The following CCDC60 variants were observed in gnomAD, a reference collection of about 807,000 sequenced individuals.
The protein encoded by CCDC60 is coiled-coil domain containing 60.
A neutral mutation model predicts 63.5 loss-of-function variants in CCDC60; 54 were observed. The observed-to-expected ratio is 0.85, with a 90% CI of 0.68 to 1.07. The LOEUF is 1.07. CCDC60 is among the 50% of genes least tolerant of loss of function. CCDC60 has a pLI of 0.00. For synonymous variants in CCDC60, 206 were observed against 238.8 expected (o/e 0.86, Z 1.27); for missense variants, 651 against 684.3 (o/e 0.95, Z 0.54).
rs1443587377 is a variant in CCDC60 at position 119,520,204 on chromosome 12, T to C, written c.1040+12T>C. On this transcript the variant is annotated intron_variant, in intron 9 of 13. Coordinates refer to ENST00000327554, the MANE Select transcript of CCDC60 (RefSeq NM_178499.5). ...ACTCTCAAATCAAGGTAGGAAAGCC[T>C]GGAGCCTGCAGCAGGTGCCTCCGAA... 1 of 1,612,798 alleles carries C rather than the reference T, an allele frequency of 6.2e-7. No individual in the cohort carries two copies. The highest frequency in any genetic ancestry group is 8.5e-7 in the Non-Finnish European group (1 of 1,179,204).
At chr12:119,465,120 G>C (rs149571363) in intron 2 of CCDC60, among the ~76,000 whole-genome samples, 83 of 151,806 alleles carry the variant, frequency 5.5e-4, no homozygotes, top group Middle Eastern at 3.4e-3. Flanking sequence ...GACCATCCTG[G>C]CTAACATGGT....
At position 119,399,850 on chromosome 12, in the gene CCDC60, C is replaced by T. The variant is rs547890642; in HGVS notation, c.91-28833C>T. Among the ~76,000 whole-genome samples the T allele has an allele frequency of 3.0e-4, 45 of 152,236 alleles. 1 individual carries two copies. In the South Asian group the frequency reaches 7.7e-3, roughly 26 times the overall value. On this transcript the variant is annotated intron_variant, in intron 1 of 13. Coordinates refer to ENST00000327554, the MANE Select transcript of CCDC60 (RefSeq NM_178499.5). ...TACGGGGTATGATCTGAGGATGGAGCAGCATAGTCCACACTAAAACATACC... is the reference window on the plus strand; with the variant it reads ...TACGGGGTATGATCTGAGGATGGAGTAGCATAGTCCACACTAAAACATACC...
rs76987839 is a variant in CCDC60 at position 119,384,606 on chromosome 12, G to A, written c.91-44077G>A. ...TGCCATTCCCTGCGAGCTCCGGGCC[G>A]CTCCCACTGGTGGCTAACTTTACAA... On this transcript the variant is annotated intron_variant, in intron 1 of 13. Coordinates refer to ENST00000327554, the MANE Select transcript of CCDC60 (RefSeq NM_178499.5). Among the ~76,000 whole-genome samples the A allele has an allele frequency of 4.8e-3, 725 of 152,272 alleles. 8 individuals are homozygous for A. The highest frequency in any genetic ancestry group is 0.016 in the African/African-American group (670 of 41,562).
chr12:119,483,333 C>A (rs1022162308), intron 4 of CCDC60, among the ~76,000 whole-genome samples: 7 of 152,246 alleles, frequency 4.6e-5, no homozygotes, highest in Non-Finnish European at 1.0e-4. Flanking sequence ...TCAGTCCCTT[C>A]AGTCCCTGTG....
At chr12:119,516,239 G>C (rs1333749431) in intron 7 of CCDC60, among the ~76,000 whole-genome samples, 3 of 152,130 alleles carry the variant, frequency 2.0e-5, no homozygotes, top group Non-Finnish European at 4.4e-5. Flanking sequence ...CTGAGAAGCT[G>C]AAATTACAGA....
At chr12:119,398,335 C>T (rs117991925) in intron 1 of CCDC60, among the ~76,000 whole-genome samples, 3,356 of 152,226 alleles carry the variant, frequency 0.022, 71 homozygotes, top group Admixed American at 0.032. Context: ...GCTCCTAGTG[C>T]GTGGCCCTCC....
At chr12:119,379,052 G>A (rs1015098481) in intron 1 of CCDC60, among the ~76,000 whole-genome samples, 3 of 152,180 alleles carry the variant, frequency 2.0e-5, no homozygotes, top group South Asian at 2.1e-4. Flanking sequence ...CCCCCAGCTC[G>A]GCCTGGCTTG....
intron 1 of CCDC60, among the ~76,000 whole-genome samples, chr12:119,364,046 G>A (rs1047634294): frequency 2.0e-5 from 3 of 152,080 alleles, no homozygotes; most frequent in Admixed American, 6.5e-5. Context: ...TAATCTTGCT[G>A]TTGCAATGAA....
chr12:119,363,006 G>A (rs1955806042), intron 1 of CCDC60, among the ~76,000 whole-genome samples: 1 of 152,228 alleles, frequency 6.6e-6, no homozygotes, highest in Admixed American at 6.5e-5. Flanking sequence ...GCTGGGGCAG[G>A]AGAATCGCTT....
intron 1 of CCDC60, among the ~76,000 whole-genome samples, chr12:119,336,449 C>T (rs1955472887): frequency 6.6e-6 from 1 of 152,164 alleles, no homozygotes; most frequent in Non-Finnish European, 1.5e-5. Flanking sequence ...AGCAATGACA[C>T]TGTAGAACAT....
chr12:119,384,252 G>A (rs4408367), intron 1 of CCDC60, among the ~76,000 whole-genome samples: 16,240 of 152,084 alleles, frequency 0.11, 1,651 homozygotes, highest in East Asian at 0.56. Context: ...CCAAGGGAGA[G>A]TGAAGGCAGA....
At chr12:119,452,050 A>G (rs1463665508) in intron 2 of CCDC60, among the ~76,000 whole-genome samples, 2 of 152,222 alleles carry the variant, frequency 1.3e-5, no homozygotes, top group African/African-American at 2.4e-5. Flanking sequence ...AAGAATGAGT[A>G]TAATATGGTG....
chr12:119,405,450 G>C (rs965928921), intron 1 of CCDC60, among the ~76,000 whole-genome samples: 2 of 152,178 alleles, frequency 1.3e-5, no homozygotes, highest in African/African-American at 4.8e-5. Flanking sequence ...TGTTGTGCTT[G>C]TTGATTTTCA....
intron 6 of CCDC60, among the ~76,000 whole-genome samples, chr12:119,501,715 T>C (rs922901504): frequency 6.6e-6 from 1 of 152,162 alleles, no homozygotes; most frequent in African/African-American, 2.4e-5. Flanking sequence ...CTACAAACCT[T>C]TAAAAAAAGT....
chr12:119,349,372 G>A (rs1955631344), intron 1 of CCDC60, among the ~76,000 whole-genome samples: 1 of 130,646 alleles, frequency 7.7e-6, no homozygotes, highest in South Asian at 2.6e-4. Flanking sequence ...CTGAGACAGA[G>A]TCTCTCTCTG....
intron 3 of CCDC60, among the ~76,000 whole-genome samples, chr12:119,474,468 T>C (rs977467041): frequency 6.6e-6 from 1 of 152,240 alleles, no homozygotes; most frequent in Non-Finnish European, 1.5e-5. Flanking sequence ...CTTCTGTGTC[T>C]GGCTTCTTTC....
At chr12:119,413,842 C>T (rs1056798182) in intron 1 of CCDC60, among the ~76,000 whole-genome samples, 7 of 152,072 alleles carry the variant, frequency 4.6e-5, no homozygotes, top group South Asian at 2.1e-4. Flanking sequence ...TGTGCCAGTG[C>T]GTAATGGGGA....
intron 2 of CCDC60, among the ~76,000 whole-genome samples, chr12:119,457,585 T>C (rs1311285950): frequency 2.2e-4 from 33 of 152,266 alleles, no homozygotes; most frequent in Admixed American, 2.2e-3. Context: ...CAATCTTTTG[T>C]GTACGTAGTT....
chr12:119,465,565 CT>C (rs1950937978), intron 2 of CCDC60, among the ~76,000 whole-genome samples: 1 of 152,014 alleles, frequency 6.6e-6, no homozygotes, highest in South Asian at 2.1e-4. Flanking sequence ...CAAGACCAGC[CT>C]TGATAACATG....
Sources: gnomAD v4.1 joint callset for allele counts (sites outside exome capture counted in the v4.1 genomes callset) on GRCh38, gnomAD v4.1.1 for gene constraint, MANE v1.5 for transcripts, NCBI Gene and HGNC (gene_info 2026-07-23, HGNC 2026-07-21) for gene names.